The following FKBP5 variants were observed in gnomAD, a reference collection of about 807,000 sequenced individuals.
The protein encoded by FKBP5 is peptidyl-prolyl cis-trans isomerase FKBP5.
In FKBP5, 23 loss-of-function variants were observed where a neutral mutation model predicts 50.5. The observed-to-expected ratio is 0.46, with a 90% CI of 0.33 to 0.65. The LOEUF (loss-of-function observed/expected upper bound fraction) is 0.65. FKBP5 is among the 30% of genes least tolerant of loss of function. The pLI is 0.02. For missense variants in FKBP5, 411 were observed against 553.1 expected, an observed-to-expected ratio of 0.74 and a Z score of 2.58; for synonymous variants, 176 against 190.6, an observed-to-expected ratio of 0.92 and a Z score of 0.63.
At chr6:35,676,796 GA>G (rs1287977552) in intron 1 of FKBP5, among the ~76,000 whole-genome samples, 2 of 152,088 alleles carry the variant, frequency 1.3e-5, no homozygotes, top group African/African-American at 4.8e-5. Context: ...CAAAAGGGCA[GA>G]AATAAGAAAG....
rs1371049905 is a variant in FKBP5, at chr6:35,586,714, G to T, written c.840+320C>A. 3 of 1,163,168 alleles carry T rather than the reference G, an allele frequency of 2.6e-6. 1 individual carries two copies. Among genetic ancestry groups the T allele is most frequent in the Admixed American group, 8.4e-5 (2 of 23,746 alleles). 72.1% of individuals were successfully genotyped at this position (1,163,168 alleles called of 1,614,324 possible). A position where few individuals can be genotyped will look rare whatever the true frequency, so the allele number is the denominator to read the frequency against. On this transcript the variant is annotated intron_variant, in intron 8 of 10. Coordinates refer to ENST00000357266, the MANE Select transcript of FKBP5 (RefSeq NM_004117.4). ...TTCTTTTTTCATTCCAAAAACACTT[G>T]TTGAGTGCCAACTATGTACCAAGCA... is the stretch of plus-strand genomic sequence containing the variant.
At position 35,717,324 on chromosome 6, in the gene FKBP5, G is replaced by A. The variant is rs535851717; in HGVS notation, c.-20+3004C>T. On this transcript the variant is annotated intron_variant, in intron 2 of 11. Coordinates refer to the FKBP5 transcript ENST00000536438. ...TGGAGAGGAGCCTCCTATCATGAGAGAGCGTGTGAGAGTGTGTGCCTGTGC... is the reference window on the plus strand; with the variant it reads ...TGGAGAGGAGCCTCCTATCATGAGAAAGCGTGTGAGAGTGTGTGCCTGTGC... Among the ~76,000 whole-genome samples the A allele has an allele frequency of 2.0e-5, 3 of 152,354 alleles. No individual in the cohort carries two copies. In the East Asian group the frequency reaches 5.8e-4, roughly 29 times the overall value.
chr6:35,579,291 A>G (rs1762346089), intron 9 of FKBP5, among the ~76,000 whole-genome samples: 1 of 152,214 alleles, frequency 6.6e-6, no homozygotes, highest in Admixed American at 6.5e-5. Context: ...ATAATCTCAC[A>G]AAGAATGTAC....
intron 8 of FKBP5, chr6:35,580,908 G>A (rs1430457833): frequency 5.1e-6 from 5 of 985,224 alleles, no homozygotes; most frequent in Non-Finnish European, 6.0e-6. Flanking sequence ...TGAAAAGGAA[G>A]TTACTTTTCT....
intron 5 of FKBP5, among the ~76,000 whole-genome samples, chr6:35,606,474 G>A (rs1028844893): frequency 1.3e-5 from 2 of 151,672 alleles, no homozygotes; most frequent in Non-Finnish European, 2.9e-5. Context: ...TGTCTAACAC[G>A]GTGAAACCCC....
At chr6:35,577,956 A>G (rs1762274618) in intron 9 of FKBP5, among the ~76,000 whole-genome samples, 1 of 150,880 alleles carries the variant, frequency 6.6e-6, no homozygotes, top group Non-Finnish European at 1.5e-5. Flanking sequence ...TGGGAGGCTG[A>G]GGCAGGAGAA....
chr6:35,625,981 G>A (rs1215448177), intron 3 of FKBP5, among the ~76,000 whole-genome samples: 3 of 151,070 alleles, frequency 2.0e-5, no homozygotes, highest in African/African-American at 7.3e-5. Context: ...GAGTTTCATC[G>A]TGTTAGCCAG....
At chr6:35,612,835 C>T (rs561591918) in intron 5 of FKBP5, among the ~76,000 whole-genome samples, 2 of 152,318 alleles carry the variant, frequency 1.3e-5, no homozygotes, top group South Asian at 2.1e-4. Context: ...GTCCTTCCCA[C>T]GACACGTGGG....
intron 2 of FKBP5, among the ~76,000 whole-genome samples, chr6:35,701,052 G>A (rs1362995811): frequency 1.3e-5 from 2 of 151,968 alleles, no homozygotes; most frequent in Non-Finnish European, 2.9e-5. Flanking sequence ...ACTTTTTTTA[G>A]TATAAGTATA....
At chr6:35,604,892 G>A (rs1203404961) in intron 5 of FKBP5, among the ~76,000 whole-genome samples, 1 of 151,694 alleles carries the variant, frequency 6.6e-6, no homozygotes, top group Non-Finnish European at 1.5e-5. Context: ...CCGGGTTCAC[G>A]CCATTCTCCT....
Position 35,613,731 on chromosome 6 carries a change from A to G in FKBP5, c.508+5365T>C, listed in dbSNP as rs568196668. Among the ~76,000 whole-genome samples the G allele has an allele frequency of 3.3e-5, 5 of 152,374 alleles. No individual in the cohort carries two copies. The South Asian group carries it at 1.0e-3, about 32-fold the overall frequency. ...GGACATTTTAACCTTGATAAATGAA[A>G]GTATAACACAATAAATTTCTATGAA... On this transcript the variant is annotated intron_variant, in intron 5 of 10. Coordinates refer to ENST00000357266, the MANE Select transcript of FKBP5 (RefSeq NM_004117.4).
At chr6:35,649,672 G>C (rs567818641) in intron 1 of FKBP5, among the ~76,000 whole-genome samples, 1 of 152,266 alleles carries the variant, frequency 6.6e-6, no homozygotes, top group East Asian at 1.9e-4. Flanking sequence ...GGTTATAAAG[G>C]CGAAACATGA....
intron 1 of FKBP5, among the ~76,000 whole-genome samples, chr6:35,668,487 C>T (rs552129372): frequency 6.6e-6 from 1 of 152,290 alleles, no homozygotes; most frequent in South Asian, 2.1e-4. Flanking sequence ...ACATGTAATA[C>T]AGCTAAAAAT....
At chr6:35,585,212 AT>A (rs1209235329) in intron 8 of FKBP5, 1 of 975,014 alleles carries the variant, frequency 1.0e-6, no homozygotes, top group African/African-American at 1.8e-5. Flanking sequence ...ATAGTTAAGG[AT>A]TTTTATGGAC....
intron 1 of FKBP5, among the ~76,000 whole-genome samples, chr6:35,670,947 G>C (rs1409020418): frequency 6.6e-6 from 1 of 151,884 alleles, no homozygotes; most frequent in Non-Finnish European, 1.5e-5. Context: ...GTTAAATGGA[G>C]GTAAAAGCAA....
At chr6:35,590,300 CAAAAA>C (rs59847478) in intron 7 of FKBP5, among the ~76,000 whole-genome samples, 8 of 142,024 alleles carry the variant, frequency 5.6e-5, no homozygotes, top group African/African-American at 2.1e-4. Context: ...GACCCTATCT[CAAAAA>C]AAAAAAAGTT....
chr6:35,717,192 T>A (rs568623273), intron 2 of FKBP5, among the ~76,000 whole-genome samples: 1 of 152,186 alleles, frequency 6.6e-6, no homozygotes, highest in Non-Finnish European at 1.5e-5. Context: ...AAGATTCCAG[T>A]TGGATACAAA....
intron 1 of FKBP5, among the ~76,000 whole-genome samples, chr6:35,651,592 C>G (rs1402480515): frequency 6.6e-6 from 1 of 152,280 alleles, no homozygotes; most frequent in East Asian, 1.9e-4. Flanking sequence ...TTATATACTA[C>G]TAAGCAAATA....
intron 2 of FKBP5, among the ~76,000 whole-genome samples, chr6:35,718,245 G>A (rs929847477): frequency 6.6e-6 from 1 of 152,198 alleles, no homozygotes; most frequent in Non-Finnish European, 1.5e-5. Flanking sequence ...GCACAGAGGC[G>A]GGAAAATGCA....
Sources: allele counts gnomAD v4.1 joint callset (sites outside exome capture counted in the v4.1 genomes callset), GRCh38; gene constraint gnomAD v4.1.1; transcripts MANE v1.5; gene names NCBI Gene and HGNC (gene_info 2026-07-23, HGNC 2026-07-21).